Variants in DNAAF5 observed in about 807,000 individuals in gnomAD.
DNAAF5 encodes HEAT repeat containing 2.
Under a neutral mutation model 75.8 loss-of-function variants are expected in DNAAF5, and 64 were observed. That is an observed-to-expected ratio of 0.84 (90% CI 0.69 to 1.04). The LOEUF (loss-of-function observed/expected upper bound fraction) is 1.04, where lower values mean the gene tolerates loss of function less well. Among genes scored for constraint, DNAAF5 ranks in the 50% least tolerant of loss-of-function variants. The pLI is 0.00. For synonymous variants in DNAAF5, 657 were observed against 557.2 expected (o/e 1.18, Z -2.52); for missense variants, 1,269 against 1,178.5 (o/e 1.08, Z -1.12).
At chr7:764,501 C>A (rs990985099) in intron 8 of DNAAF5, among the ~76,000 whole-genome samples, 1 of 152,222 alleles carries the variant, frequency 6.6e-6, no homozygotes, top group African/African-American at 2.4e-5. Context: ...TGCCTTGGGA[C>A]ACACGGCCCG....
intron 6 of DNAAF5, among the ~76,000 whole-genome samples, chr7:758,553 C>G (rs1346792449): frequency 6.6e-6 from 1 of 152,256 alleles, no homozygotes; most frequent in African/African-American, 2.4e-5. Flanking sequence ...AGTGAAAACC[C>G]AAGACGTACA....
At chr7:737,561 T>C (rs1057463762) in intron 2 of DNAAF5, among the ~76,000 whole-genome samples, 2 of 152,234 alleles carry the variant, frequency 1.3e-5, no homozygotes, top group African/African-American at 4.8e-5. Flanking sequence ...AGCATCCTTA[T>C]TTTTCAGATT....
rs150465582 is a variant in DNAAF5 at position 744,392 on chromosome 7, A to G, written c.1024+2927A>G. 5.9e-3 allele frequency among the ~76,000 whole-genome samples: 901 copies of G among 152,342 alleles called. 11 individuals carry two copies. Among genetic ancestry groups the G allele is most frequent in the African/African-American group, 0.02 (845 of 41,574 alleles). ...CTTTGCTATTGTGAATAGAGCTGCA[A>G]TAAACATACATGTGCCTGTGTCTTT... On this transcript the variant is annotated intron_variant, in intron 4 of 12. Coordinates refer to ENST00000297440, the MANE Select transcript of DNAAF5 (RefSeq NM_017802.4).
At chr7:749,606 G>T (rs2128076334) in intron 4 of DNAAF5, among the ~76,000 whole-genome samples, 2 of 152,348 alleles carry the variant, frequency 1.3e-5, no homozygotes, top group Middle Eastern at 6.8e-3. Flanking sequence ...GTGCAAATGG[G>T]CTGGAAAAGC....
At chr7:741,531 G>C (rs925573303) in intron 4 of DNAAF5, 66 bp downstream of exon 4, 22 of 964,716 alleles carry the variant, frequency 2.3e-5, no homozygotes, top group Non-Finnish European at 3.5e-5. Flanking sequence ...AGGGGCTTCT[G>C]AGCCTGAAGG....
chr7:739,009 C>T (rs1418186018), intron 2 of DNAAF5, among the ~76,000 whole-genome samples: 2 of 152,308 alleles, frequency 1.3e-5, no homozygotes, highest in African/African-American at 2.4e-5. Context: ...TGGCCCTGGA[C>T]GCCTGCCCAT....
rs1778719233 is a variant in DNAAF5, at chr7:775,178, T to G, written c.2239+16T>G. 6.2e-7 allele frequency: 1 copy of G among 1,613,426 alleles called. No homozygotes were observed. The highest frequency in any genetic ancestry group is 2.2e-5 in the East Asian group (1 of 44,880). The stretch of plus-strand genomic sequence containing the variant: ...ATTTATCCTGGTAGGACATTTCTGT[T>G]GTTCACAGCCTGTGTATATGCAGTC... On this transcript the variant is annotated intron_variant, in intron 11 of 12. Coordinates refer to ENST00000297440, the MANE Select transcript of DNAAF5 (RefSeq NM_017802.4).
At chr7:751,121 A>G (rs1782278156) in intron 4 of DNAAF5, among the ~76,000 whole-genome samples, 1 of 152,200 alleles carries the variant, frequency 6.6e-6, no homozygotes, top group Non-Finnish European at 1.5e-5. Context: ...ATTGCACTCC[A>G]GCCTGGATGA....
At chr7:784,946 T>C (rs563614248) in intron 12 of DNAAF5, among the ~76,000 whole-genome samples, 14 of 152,132 alleles carry the variant, frequency 9.2e-5, no homozygotes, top group African/African-American at 2.4e-4. Context: ...GTTCCTCATA[T>C]TCACATAGTG....
At chr7:753,742 C>T (rs4076966) in intron 4 of DNAAF5, among the ~76,000 whole-genome samples, 4,159 of 139,212 alleles carry the variant, frequency 0.03, 93 homozygotes, top group Non-Finnish European at 0.047. Flanking sequence ...GCAGGCGTGT[C>T]TCTCTGATCA....
intron 11 of DNAAF5, among the ~76,000 whole-genome samples, chr7:776,551 T>TG (rs34968836): frequency 0.43 from 65,908 of 151,840 alleles, 14,659 homozygotes; most frequent in Non-Finnish European, 0.47. Context: ...GAGCTGCCTG[T>TG]GGGGAGACGG....
intron 12 of DNAAF5, among the ~76,000 whole-genome samples, chr7:781,983 T>A (rs539623667): frequency 6.6e-6 from 1 of 152,288 alleles, no homozygotes; most frequent in African/African-American, 2.4e-5. Context: ...CCCTTTGCTG[T>A]GTGGAAGCTT....
At chr7:774,316 G>C in intron 10 of DNAAF5, 118 bp downstream of exon 10, 1 of 1,094,244 alleles carries the variant, frequency 9.1e-7, no homozygotes, top group Non-Finnish European at 1.3e-6. Flanking sequence ...CTCCACCTGG[G>C]GCCCGTACCC....
chr7:738,364 T>C (rs1171066286), intron 2 of DNAAF5, among the ~76,000 whole-genome samples: 1 of 152,188 alleles, frequency 6.6e-6, no homozygotes, highest in African/African-American at 2.4e-5. Context: ...ATAGCTATTT[T>C]GAGTTTTCTG....
rs1342740653 is a variant in DNAAF5, at chr7:763,826, A to G, written c.1635A>G (p.Ser545=). 1.4e-5 allele frequency: 23 copies of G among 1,613,318 alleles called. No individual in the cohort carries two copies. The Admixed American group carries it at 3.8e-4, about 27-fold the overall frequency. ...LRDKAQETMD[S]LAMVEGVSSC... is the part of the protein sequence containing the mutation. ...TCCAGGCACAGGAGACGATGGACTC[A>G]CTGGCCATGGTGGAGGGTGTCAGCA... is the stretch of plus-strand genomic sequence containing the variant. The change falls in exon 8 of 13, where the codon TCA becomes TCG. Residue 545 remains serine (S), a synonymous_variant. Transcript: ENST00000297440.
At chr7:779,818 T>G in intron 11 of DNAAF5, 135 bp from the exon 12 acceptor site, 2 of 698,652 alleles carry the variant, frequency 2.9e-6, no homozygotes, top group Non-Finnish European at 4.7e-6. Flanking sequence ...ATGCACGGAG[T>G]CTCCCGTGAG....
At chr7:731,020 A>G (rs1781547137) in intron 2 of DNAAF5, among the ~76,000 whole-genome samples, 1 of 152,144 alleles carries the variant, frequency 6.6e-6, no homozygotes, top group South Asian at 2.1e-4. Flanking sequence ...CTGGCTAAAT[A>G]TTTGGGCTGC....
At chr7:771,261 C>G (rs1285197015) in intron 9 of DNAAF5, 2 of 152,266 alleles carry the variant, frequency 1.3e-5, no homozygotes, top group African/African-American at 4.8e-5. Flanking sequence ...GAAGTAAGGG[C>G]AAGAAGCATG....
chr7:743,501 G>A (rs547441266), intron 4 of DNAAF5, among the ~76,000 whole-genome samples: 16 of 152,210 alleles, frequency 1.1e-4, no homozygotes, highest in African/African-American at 1.2e-4. Flanking sequence ...TTTTCCTCCC[G>A]GTCGGCATTC....
Sources: allele counts gnomAD v4.1 joint callset (sites outside exome capture counted in the v4.1 genomes callset), GRCh38; gene constraint gnomAD v4.1.1; transcripts MANE v1.5; gene names NCBI Gene and HGNC (gene_info 2026-07-23, HGNC 2026-07-21).